Variants in RMDN1 observed in about 807,000 individuals in gnomAD.
RMDN1 encodes regulator of microtubule dynamics 1.
A neutral mutation model predicts 48.9 loss-of-function variants in RMDN1; 48 were observed. The observed-to-expected ratio is 0.98, with a 90% CI of 0.78 to 1.25. The LOEUF (loss-of-function observed/expected upper bound fraction) is 1.25, where lower values mean the gene tolerates loss of function less well. Ranked by LOEUF, RMDN1 falls within the 50% of genes most tolerant of loss-of-function variation. The pLI, the probability that RMDN1 is intolerant of heterozygous loss-of-function variation, is 0.00. For synonymous variants in RMDN1, 148 were observed against 132.6 expected, an observed-to-expected ratio of 1.12 and a Z score of -0.80; for missense variants, 418 against 373.4, an observed-to-expected ratio of 1.12 and a Z score of -0.98.
upstream of RMDN1, among the ~76,000 whole-genome samples, chr8:86,512,200 T>C (rs191280903): frequency 4.5e-4 from 69 of 152,340 alleles, no homozygotes; most frequent in Non-Finnish European, 4.3e-4. Flanking sequence ...GCCTCTACTC[T>C]TTCCCTATTT....
intron 4 of RMDN1, among the ~76,000 whole-genome samples, chr8:86,485,770 CA>C (rs1815362723): frequency 6.6e-6 from 1 of 152,026 alleles, no homozygotes; most frequent in Non-Finnish European, 1.5e-5. Flanking sequence ...AGCCACACTT[CA>C]AAAACCCAGG....
At chr8:86,474,697 A>G in intron 9 of RMDN1, 123 bp downstream of exon 9, 1 of 942,400 alleles carries the variant, frequency 1.1e-6, no homozygotes. Flanking sequence ...TACACTTGAA[A>G]TGAACACACT....
Position 86,486,620 on chromosome 8 carries a change from CGCCACA to C in RMDN1, c.353_358del (p.Leu118_Trp119del), listed in dbSNP as rs1815520323. On this transcript the variant is annotated inframe_deletion, in exon 4 of 10. Coordinates refer to ENST00000406452, the MANE Select transcript of RMDN1 (RefSeq NM_016033.3). ...TACATCACGTGATGCCCGTGCCAAA[CGCCACA>C]GTAACTCTGCATCTTCACTAATTTG... 2 of 1,599,290 alleles carry C rather than the reference CGCCACA, an allele frequency of 1.3e-6. No individual in the cohort carries two copies. The highest frequency in any genetic ancestry group is 1.3e-5 in the African/African-American group (1 of 74,310).
chr8:86,483,491 T>A (rs902152236), intron 5 of RMDN1, among the ~76,000 whole-genome samples: 3 of 152,048 alleles, frequency 2.0e-5, no homozygotes, highest in African/African-American at 2.4e-5. Flanking sequence ...AGAAAGAAAG[T>A]ATCACTGCCA....
chr8:86,508,769 C>T (rs1157818299), upstream of RMDN1: 1 of 1,371,636 alleles, frequency 7.3e-7, no homozygotes, highest in Non-Finnish European at 9.4e-7. Context: ...ACCTCTTCCG[C>T]CCCCATGGTT....
intron 2 of RMDN1, among the ~76,000 whole-genome samples, chr8:86,506,469 T>C (rs1819382782): frequency 6.6e-6 from 1 of 152,214 alleles, no homozygotes; most frequent in Non-Finnish European, 1.5e-5. Flanking sequence ...ACAGACCATG[T>C]TCGAGATAGT....
intron 2 of RMDN1, among the ~76,000 whole-genome samples, chr8:86,495,715 C>T (rs769411736): frequency 1.3e-5 from 2 of 152,124 alleles, no homozygotes; most frequent in Non-Finnish European, 2.9e-5. Context: ...TGAAGCTGGA[C>T]CCCCACAGGT....
chr8:86,482,839 G>T, intron 5 of RMDN1: 3 of 1,137,976 alleles, frequency 2.6e-6, no homozygotes, highest in Non-Finnish European at 4.0e-6. Flanking sequence ...GGAGGTCACT[G>T]CGAGCTCTCT....
At chr8:86,499,761 T>C (rs963207350) in intron 2 of RMDN1, among the ~76,000 whole-genome samples, 3 of 152,172 alleles carry the variant, frequency 2.0e-5, no homozygotes, top group African/African-American at 7.2e-5. Context: ...ATAACAAAGC[T>C]GTAGGCATCA....
intron 2 of RMDN1, chr8:86,505,468 A>T (rs956269483): frequency 2.4e-6 from 1 of 415,524 alleles, no homozygotes; most frequent in Non-Finnish European, 5.1e-6. Context: ...TGTGGAAGGC[A>T]GACGGGGTTT....
chr8:86,505,049 G>C (rs117272573), intron 2 of RMDN1: 34,738 of 1,434,814 alleles, frequency 0.024, 813 homozygotes, highest in African/African-American at 0.065. Context: ...CTGCTAAGGA[G>C]ACCACCACCA....
In RMDN1 at chr8:86,488,611, G is replaced by A; in HGVS notation, c.276C>T (p.Tyr92=). ...TTTCTGTTTCTCCGCTTTCATACAG[G>A]TAGTCTGCTTGTTCAAGTATTTCTT... is the stretch of plus-strand genomic sequence containing the variant. ...KVEEILEQAD[Y]LYESGETEKL... The change falls in exon 3 of 10, where the codon TAC becomes TAT. Residue 92 remains tyrosine (Y), a synonymous_variant. Coordinates refer to ENST00000406452, the MANE Select transcript of RMDN1 (RefSeq NM_016033.3). The A allele has an allele frequency of 6.2e-7, 1 of 1,609,898 alleles. No individual in the cohort carries two copies. The highest frequency in any genetic ancestry group is 8.5e-7 in the Non-Finnish European group (1 of 1,178,150).
At position 86,472,464 on chromosome 8, in the gene RMDN1, TTC is replaced by T. The variant is rs1385665919; in HGVS notation, c.*1842_*1843del. 3 of 702,410 alleles carry T rather than the reference TTC, an allele frequency of 4.3e-6. No individual in the cohort carries two copies. The highest frequency in any genetic ancestry group is 3.5e-5 in the African/African-American group (2 of 57,262). The allele number at this position is 702,410 out of a possible 1,614,324, so 43.5% of individuals were successfully genotyped here. A position where few individuals can be genotyped will look rare whatever the true frequency, so the allele number is the denominator to read the frequency against. Reference sequence around the variant, plus strand: ...ACCCACTTCCTGGCCCTTCAGCTGCTTCTGTTTCTCTTCACCTACAAAAATAA... The same window carrying T: ...ACCCACTTCCTGGCCCTTCAGCTGCTTGTTTCTCTTCACCTACAAAAATAA... On this transcript the variant is annotated 3_prime_UTR_variant, in exon 10 of 10. Coordinates refer to ENST00000406452, the MANE Select transcript of RMDN1 (RefSeq NM_016033.3).
intron 1 of RMDN1, among the ~76,000 whole-genome samples, chr8:86,513,848 T>C (rs1275468513): frequency 6.6e-6 from 1 of 151,444 alleles, no homozygotes; most frequent in African/African-American, 2.4e-5. Context: ...TAATTTGTCT[T>C]GGTAACTTTT....
downstream of RMDN1, among the ~76,000 whole-genome samples, chr8:86,469,933 TGGG>T (rs1158396773): frequency 2.0e-5 from 3 of 152,124 alleles, no homozygotes; most frequent in Non-Finnish European, 4.4e-5. Flanking sequence ...ATGAAATTGG[TGGG>T]GTTGTCTTTA....
Position 86,486,654 on chromosome 8 carries a change from A to G in RMDN1, c.336-11T>C. The G allele has an allele frequency of 6.3e-7, 1 of 1,580,272 alleles. No homozygotes were observed. Among genetic ancestry groups the G allele is most frequent in the Non-Finnish European group, 8.6e-7 (1 of 1,163,842 alleles). ...AACTCTGCATCTTCACTAATTTGAA[A>G]TAAAATATAAAACAACCATTTTAGC... On this transcript the variant is annotated splice_polypyrimidine_tract_variant and intron_variant, in intron 3 of 9. Transcript: ENST00000406452.
chr8:86,478,027 A>G (rs569748619), intron 7 of RMDN1: 1 of 152,284 alleles, frequency 6.6e-6, no homozygotes, highest in South Asian at 2.1e-4. Flanking sequence ...GACTGGGACT[A>G]CAGGCACAGG....
intron 8 of RMDN1, among the ~76,000 whole-genome samples, chr8:86,475,542 T>C (rs577137211): frequency 3.8e-4 from 58 of 151,864 alleles, no homozygotes; most frequent in Middle Eastern, 3.4e-3. Flanking sequence ...TTACTAGATA[T>C]ACAAACTTTG....
At chr8:86,471,529 C>T (rs1401513556), downstream of RMDN1, among the ~76,000 whole-genome samples, 1 of 151,874 alleles carries the variant, frequency 6.6e-6, no homozygotes, top group East Asian at 1.9e-4. Flanking sequence ...ACTGGACAAA[C>T]AAAATGCAGA....
Sources: gnomAD v4.1 joint callset for allele counts (sites outside exome capture counted in the v4.1 genomes callset) on GRCh38, gnomAD v4.1.1 for gene constraint, MANE v1.5 for transcripts, NCBI Gene and HGNC (gene_info 2026-07-23, HGNC 2026-07-21) for gene names.